The following LMX1A variants were observed in gnomAD, a reference collection of about 807,000 sequenced individuals.
LMX1A encodes LIM homeobox transcription factor 1 alpha, also known as LIM homeobox transcription factor 1-alpha.
Under a neutral mutation model 49.1 loss-of-function variants are expected in LMX1A, and 15 were observed. That is an observed-to-expected ratio of 0.31 (90% CI 0.20 to 0.47). The LOEUF (loss-of-function observed/expected upper bound fraction) is 0.47, where lower values mean the gene tolerates loss of function less well. LMX1A is among the 20% of genes least tolerant of loss of function. LMX1A has a pLI of 1.00. For synonymous variants in LMX1A, 167 were observed against 185.7 expected (o/e 0.90, Z 0.82); for missense variants, 372 against 475.8 (o/e 0.78, Z 2.03).
At chr1:165,270,985 C>A (rs560729337) in intron 3 of LMX1A, among the ~76,000 whole-genome samples, 213 of 152,292 alleles carry the variant, frequency 1.4e-3, no homozygotes, top group African/African-American at 5.0e-3. Flanking sequence ...AACAGCCAGC[C>A]ATTTCCCTCC....
At chr1:165,213,582 T>G in intron 5 of LMX1A, 59 bp downstream of exon 5, 1 of 1,486,862 alleles carries the variant, frequency 6.7e-7, no homozygotes, top group African/African-American at 1.4e-5. Flanking sequence ...CCCAGAGGGG[T>G]CTGAGTGCAC....
intron 4 of LMX1A, among the ~76,000 whole-genome samples, chr1:165,238,346 A>G (rs1172287483): frequency 2.0e-5 from 3 of 152,216 alleles, no homozygotes; most frequent in Non-Finnish European, 4.4e-5. Flanking sequence ...TTTTCCTACT[A>G]CTATCAAATA....
chr1:165,276,686 C>T (rs964269732), intron 3 of LMX1A, among the ~76,000 whole-genome samples: 1 of 151,652 alleles, frequency 6.6e-6, no homozygotes, highest in Non-Finnish European at 1.5e-5. Flanking sequence ...TTAAGTGTGG[C>T]TGATGTTATT....
chr1:165,327,239 C>T (rs997397471), intron 3 of LMX1A, among the ~76,000 whole-genome samples: 1 of 152,076 alleles, frequency 6.6e-6, no homozygotes, highest in African/African-American at 2.4e-5. Flanking sequence ...CACAGAGGGA[C>T]CGAAAGGAGG....
chr1:165,327,709 G>C (rs1655629562), intron 3 of LMX1A, among the ~76,000 whole-genome samples: 1 of 152,194 alleles, frequency 6.6e-6, no homozygotes, highest in African/African-American at 2.4e-5. Context: ...ACTTGGGTCT[G>C]GACACACCAC....
rs1405453335 is a variant in LMX1A, at chr1:165,353,119, A to C, written c.220T>G (p.Phe74Val). 6.2e-7 allele frequency: 1 copy of C among 1,614,100 alleles called. No homozygotes were observed. Among genetic ancestry groups the C allele is most frequent in the African/African-American group, 1.3e-5 (1 of 74,944 alleles). The change falls in exon 3 of 9, where the codon TTC becomes GTC. Residue 74 changes from phenylalanine to valine, a missense_variant. Physicochemically the swap from Phe to Val is conservative, Grantham distance 50. Transcript: ENST00000342310. ...CAGTACAGCTTCTTGTCCCGGTAGAAGCAGGTGGTCTCCAGGGGCTCTTTG... is the reference window on the plus strand; with the variant it reads ...CAGTACAGCTTCTTGTCCCGGTAGACGCAGGTGGTCTCCAGGGGCTCTTTG... ...SCKEPLETTC[F>V]YRDKKLYCKY...
At chr1:165,293,134 A>C (rs924221720) in intron 3 of LMX1A, among the ~76,000 whole-genome samples, 5 of 151,850 alleles carry the variant, frequency 3.3e-5, no homozygotes, top group Admixed American at 6.6e-5. Flanking sequence ...AAACAAAACA[A>C]AACAAAACAA....
intron 3 of LMX1A, among the ~76,000 whole-genome samples, chr1:165,335,147 T>G (rs910448413): frequency 2.6e-5 from 4 of 152,204 alleles, no homozygotes; most frequent in Non-Finnish European, 4.4e-5. Context: ...ATTTATATTA[T>G]TTACTTAAAA....
intron 3 of LMX1A, among the ~76,000 whole-genome samples, chr1:165,296,688 C>T (rs1193578901): frequency 2.0e-5 from 3 of 152,256 alleles, no homozygotes; most frequent in South Asian, 4.1e-4. Context: ...GGGATCTGGG[C>T]CTCTGCCCCT....
At chr1:165,332,858 C>A (rs988979881) in intron 3 of LMX1A, among the ~76,000 whole-genome samples, 2 of 152,190 alleles carry the variant, frequency 1.3e-5, no homozygotes, top group Admixed American at 1.3e-4. Flanking sequence ...AAAGGGTTGG[C>A]ATAACCTTTC....
intron 3 of LMX1A, among the ~76,000 whole-genome samples, chr1:165,256,590 C>A (rs1056885231): frequency 6.6e-6 from 1 of 152,038 alleles, no homozygotes; most frequent in Non-Finnish European, 1.5e-5. Context: ...AAATATAAAA[C>A]AGCTAAAGCC....
At chr1:165,231,829 C>T (rs771306344) in intron 4 of LMX1A, among the ~76,000 whole-genome samples, 11 of 152,082 alleles carry the variant, frequency 7.2e-5, no homozygotes, top group Admixed American at 3.3e-4. Flanking sequence ...AGTATTCTAA[C>T]ACTTAAAACA....
rs1656588655 is a variant in LMX1A at position 165,355,786 on chromosome 1, G to A, written c.-22-205C>T. ...TCTGGCTGATCTGATTTCACTTGAA[G>A]TCAACACGTTATGTACTTAGGCCTC... On this transcript the variant is annotated intron_variant, in intron 1 of 8. Transcript: ENST00000342310. The surrounding 1 kb of genome is among the most constrained non-coding windows in gnomAD (Gnocchi z 4.7). The A allele has an allele frequency of 5.2e-6, 3 of 581,118 alleles. No individual in the cohort carries two copies. The highest frequency in any genetic ancestry group is 3.0e-5 in the Admixed American group (1 of 33,268). 36.0% of individuals were successfully genotyped at this position (581,118 alleles called of 1,614,324 possible). A position where few individuals can be genotyped will look rare whatever the true frequency, so the allele number is the denominator to read the frequency against.
At chr1:165,205,607 G>A (rs74118518) in intron 8 of LMX1A, among the ~76,000 whole-genome samples, 9,757 of 152,224 alleles carry the variant, frequency 0.064, 802 homozygotes, top group African/African-American at 0.19. Flanking sequence ...AGGTCTACAA[G>A]GAGAGCACAA....
intron 3 of LMX1A, among the ~76,000 whole-genome samples, chr1:165,279,959 GT>G (rs557377255): frequency 6.6e-5 from 10 of 151,828 alleles, no homozygotes; most frequent in African/African-American, 9.7e-5. Flanking sequence ...AAATATGAGT[GT>G]TTTTTTGGCT....
At chr1:165,235,605 G>C (rs1281076846) in intron 4 of LMX1A, among the ~76,000 whole-genome samples, 1 of 151,982 alleles carries the variant, frequency 6.6e-6, no homozygotes, top group Non-Finnish European at 1.5e-5. Flanking sequence ...CCCGCCTGAC[G>C]TCACCTGGGA....
chr1:165,242,398 A>G (rs1652686627), intron 4 of LMX1A, among the ~76,000 whole-genome samples: 2 of 152,008 alleles, frequency 1.3e-5, no homozygotes, highest in Non-Finnish European at 2.9e-5. Flanking sequence ...CAAGGAATAA[A>G]TCCTAGGCAT....
At chr1:165,281,094 C>G (rs960461467) in intron 3 of LMX1A, among the ~76,000 whole-genome samples, 7 of 152,234 alleles carry the variant, frequency 4.6e-5, no homozygotes, top group African/African-American at 1.7e-4. Flanking sequence ...TGACCTCAAG[C>G]AAGATTCTGT....
At chr1:165,344,402 T>C (rs1004730846) in intron 3 of LMX1A, among the ~76,000 whole-genome samples, 1 of 152,096 alleles carries the variant, frequency 6.6e-6, no homozygotes, top group Non-Finnish European at 1.5e-5. Flanking sequence ...CGGTAGCCAA[T>C]AGCAGGGGAG....
Sources: gnomAD v4.1 joint callset for allele counts (sites outside exome capture counted in the v4.1 genomes callset) on GRCh38, gnomAD v4.1.1 for gene constraint, Gnocchi (gnomAD v3.1) non-coding constraint, MANE v1.5 for transcripts, NCBI Gene and HGNC (gene_info 2026-07-23, HGNC 2026-07-21) for gene names.